The following PPARGC1A variants were observed in gnomAD, a reference collection of about 807,000 sequenced individuals.
PPARGC1A encodes peroxisome proliferator-activated receptor gamma coactivator 1-alpha.
A neutral mutation model predicts 88.7 loss-of-function variants in PPARGC1A; 25 were observed. The observed-to-expected ratio is 0.28, with a 90% confidence interval of 0.21 to 0.39. The LOEUF (loss-of-function observed/expected upper bound fraction) is 0.39, where lower values mean the gene tolerates loss of function less well. PPARGC1A is among the 10% of genes least tolerant of loss of function. The pLI, the probability that PPARGC1A is intolerant of heterozygous loss-of-function variation, is 1.00. For missense variants in PPARGC1A, 880 were observed against 968.7 expected (o/e 0.91, Z 1.22); for synonymous variants, 363 against 355.6 (o/e 1.02, Z -0.24).
chr4:24,444,606 T>C, the PPARGC1A span, among the ~76,000 whole-genome samples: 2 of 152,214 alleles, frequency 1.3e-5, no homozygotes, highest in African/African-American at 2.4e-5. Context: ...CATGAGCCAT[T>C]GCTATATGAA....
At chr4:24,297,855 C>A in the PPARGC1A span, among the ~76,000 whole-genome samples, 49 of 152,278 alleles carry the variant, frequency 3.2e-4, no homozygotes, top group South Asian at 9.3e-3. Context: ...GTCAACTATG[C>A]TCTGGGTCAA....
intron 10 of PPARGC1A, among the ~76,000 whole-genome samples, chr4:23,807,027 A>G (rs1264984404): frequency 6.6e-6 from 1 of 152,216 alleles, no homozygotes; most frequent in Non-Finnish European, 1.5e-5. Flanking sequence ...TGCAAGTCAG[A>G]ATAATGTAAA....
chr4:24,406,664 T>C, the PPARGC1A span, among the ~76,000 whole-genome samples: 1 of 152,192 alleles, frequency 6.6e-6, no homozygotes, highest in African/African-American at 2.4e-5. Flanking sequence ...GAGCTGAGCA[T>C]ACACATGCCC....
At chr4:24,159,694 T>C in the PPARGC1A span, among the ~76,000 whole-genome samples, 1 of 152,204 alleles carries the variant, frequency 6.6e-6, no homozygotes, top group Non-Finnish European at 1.5e-5. Flanking sequence ...TAGTAGGTTT[T>C]CAACTCATGT....
the PPARGC1A span, among the ~76,000 whole-genome samples, chr4:24,021,216 G>C: frequency 6.6e-6 from 1 of 152,144 alleles, no homozygotes; most frequent in Non-Finnish European, 1.5e-5. Flanking sequence ...GCCTCCAGGG[G>C]ACTACGGACC....
At chr4:24,346,691 G>T in the PPARGC1A span, among the ~76,000 whole-genome samples, 2 of 151,888 alleles carry the variant, frequency 1.3e-5, no homozygotes, top group African/African-American at 4.8e-5. Context: ...CTTGCTAATG[G>T]TCTATCAATT....
the PPARGC1A span, among the ~76,000 whole-genome samples, chr4:24,296,847 A>T: frequency 2.6e-5 from 4 of 152,238 alleles, no homozygotes; most frequent in African/African-American, 9.6e-5. Flanking sequence ...GCTGGTAAAT[A>T]GAGGTGCCAG....
At chr4:23,883,422 T>G (rs930032724) in intron 2 of PPARGC1A, 3 of 152,210 alleles carry the variant, frequency 2.0e-5, no homozygotes, top group East Asian at 1.9e-4. Flanking sequence ...CAGCTTGATA[T>G]GTCTTTGTAA....
the PPARGC1A span, among the ~76,000 whole-genome samples, chr4:24,242,588 G>T: frequency 6.6e-6 from 1 of 152,160 alleles, no homozygotes. Flanking sequence ...ATCCTAGGTT[G>T]TCTTCTCCCT....
rs1450232705 is a variant in PPARGC1A at position 23,813,138 on chromosome 4, A to G, written c.1794-13T>C. 1.2e-6 allele frequency: 2 copies of G among 1,612,968 alleles called. No homozygotes were observed. The highest frequency in any genetic ancestry group is 1.7e-6 in the Non-Finnish European group (2 of 1,179,168). On this transcript the variant is annotated splice_polypyrimidine_tract_variant and intron_variant, in intron 8 of 12. Transcript: ENST00000264867. Reference sequence around the variant, plus strand: ...GTAATAGCAGGATCTGCGCCAGAGGAGAAAAGCAAAAAGGGCATTTGCAAC... The same window carrying G: ...GTAATAGCAGGATCTGCGCCAGAGGGGAAAAGCAAAAAGGGCATTTGCAAC...
chr4:24,238,217 A>G, the PPARGC1A span, among the ~76,000 whole-genome samples: 2 of 152,200 alleles, frequency 1.3e-5, no homozygotes, highest in South Asian at 2.1e-4. Context: ...TACACACAGT[A>G]TCACCCTCTC....
chr4:23,899,676 C>G (rs749207599), upstream of PPARGC1A, among the ~76,000 whole-genome samples: 50 of 152,246 alleles, frequency 3.3e-4, 2 homozygotes, highest in Middle Eastern at 3.4e-3. Flanking sequence ...ATAAAAGGTG[C>G]ATACGTTATA....
At chr4:24,009,124 C>T in the PPARGC1A span, among the ~76,000 whole-genome samples, 18 of 33,638 alleles carry the variant, frequency 5.4e-4, no homozygotes, top group South Asian at 3.2e-3. Flanking sequence ...CAATGTGTCC[C>T]GCAGTCTATA....
chr4:23,932,991 C>T, the PPARGC1A span, among the ~76,000 whole-genome samples: 2 of 152,082 alleles, frequency 1.3e-5, no homozygotes, highest in Non-Finnish European at 2.9e-5. Flanking sequence ...AGAGTTTTCC[C>T]GACAAGTGGT....
chr4:24,365,496 C>T, the PPARGC1A span, among the ~76,000 whole-genome samples: 8 of 152,186 alleles, frequency 5.3e-5, no homozygotes, highest in Non-Finnish European at 8.8e-5. Flanking sequence ...CAGTCATCTG[C>T]CCCTGTATTT....
chr4:24,086,461 T>C, the PPARGC1A span, among the ~76,000 whole-genome samples: 2 of 152,204 alleles, frequency 1.3e-5, no homozygotes, highest in African/African-American at 2.4e-5. Flanking sequence ...TCTTCCCAGT[T>C]CTTTGGCTTA....
At chr4:24,396,090 C>T in the PPARGC1A span, among the ~76,000 whole-genome samples, 1 of 152,030 alleles carries the variant, frequency 6.6e-6, no homozygotes, top group Non-Finnish European at 1.5e-5. Flanking sequence ...GATCCCACAT[C>T]TCCTGGGGCA....
chr4:24,468,140 A>AC, the PPARGC1A span, among the ~76,000 whole-genome samples: 2 of 152,220 alleles, frequency 1.3e-5, no homozygotes, highest in Non-Finnish European at 2.9e-5. Context: ...TAATAAGGTG[A>AC]CCTGGGTCCA....
the PPARGC1A span, among the ~76,000 whole-genome samples, chr4:24,158,363 G>A: frequency 5.9e-5 from 9 of 151,984 alleles, no homozygotes; most frequent in East Asian, 1.7e-3. Flanking sequence ...TCTGTCTTCC[G>A]CCAAACTCCA....
Sources: allele counts gnomAD v4.1 joint callset (sites outside exome capture counted in the v4.1 genomes callset), GRCh38; gene constraint gnomAD v4.1.1; transcripts MANE v1.5; gene names NCBI Gene and HGNC (gene_info 2026-07-23, HGNC 2026-07-21).